The following COL22A1 variants were observed in gnomAD, a reference collection of about 807,000 sequenced individuals.
COL22A1 encodes collagen type XXII alpha 1 chain.
A neutral mutation model predicts 248.9 loss-of-function variants in COL22A1; 221 were observed. The observed-to-expected ratio is 0.89, with a 90% confidence interval of 0.80 to 0.99. COL22A1 has a LOEUF of 0.99. COL22A1 is among the 50% of genes least tolerant of loss of function. The pLI is 0.00. For missense variants in COL22A1, 2,240 were observed against 2,179.0 expected, an observed-to-expected ratio of 1.03 and a Z score of -0.56; for synonymous variants, 891 against 793.4, an observed-to-expected ratio of 1.12 and a Z score of -2.07.
chr8:138,910,648 A>G (rs1241230675), intron 1 of COL22A1, among the ~76,000 whole-genome samples: 3 of 152,166 alleles, frequency 2.0e-5, no homozygotes, highest in Non-Finnish European at 2.9e-5. Context: ...GCTGAAAAAA[A>G]AAATCCTCAG....
chr8:138,760,622 C>A (rs966465961), intron 17 of COL22A1, among the ~76,000 whole-genome samples: 9 of 152,102 alleles, frequency 5.9e-5, no homozygotes, highest in African/African-American at 2.2e-4. Context: ...CCTGCCCCGG[C>A]CCAGGGAGCA....
chr8:138,591,527 A>G, intron 63 of COL22A1, 26 bp from the exon 64 acceptor site: 1 of 1,508,462 alleles, frequency 6.6e-7, no homozygotes, highest in Non-Finnish European at 8.9e-7. Context: ...TGCACTTTTG[A>G]TGGTGGAGAC....
At position 138,883,088 on chromosome 8, in the gene COL22A1, G is replaced by GCT. The variant is rs1308052788; in HGVS notation, c.83_84dup (p.Arg29SerfsTer201). The GCT allele has an allele frequency of 6.3e-7, 1 of 1,581,656 alleles. No individual in the cohort carries two copies. On this transcript the variant is annotated frameshift_variant, in exon 2 of 65. Transcript: ENST00000303045. LOFTEE classifies it high-confidence loss of function. ...CAGCCCACGGTGGCCCCACCTGCCC[G>GCT]CTGAGCCTGGCAGCCGCCGCCCCCA...
intron 32 of COL22A1, among the ~76,000 whole-genome samples, chr8:138,699,293 CT>C (rs35080182): frequency 0.49 from 74,438 of 152,100 alleles, 18,701 homozygotes; most frequent in East Asian, 0.74. Flanking sequence ...CTGCTTCCTT[CT>C]TTTGCATCAC....
At chr8:138,703,604 G>A (rs1490549776) in intron 30 of COL22A1, among the ~76,000 whole-genome samples, 1 of 152,182 alleles carries the variant, frequency 6.6e-6, no homozygotes, top group Non-Finnish European at 1.5e-5. Flanking sequence ...CGTAGTGGTA[G>A]ATCATTTATA....
At chr8:138,879,669 TG>T in intron 2 of COL22A1, among the ~76,000 whole-genome samples, 1 of 116,210 alleles carries the variant, frequency 8.6e-6, no homozygotes, top group Non-Finnish European at 1.6e-5. Flanking sequence ...CCAGCCTGGG[TG>T]ACAGAGTGAG....
At chr8:138,626,892 A>G (rs1367746778) in intron 50 of COL22A1, among the ~76,000 whole-genome samples, 1 of 152,186 alleles carries the variant, frequency 6.6e-6, no homozygotes, top group Non-Finnish European at 1.5e-5. Flanking sequence ...AATCAGCATT[A>G]TATAATCAGT....
chr8:138,794,285 G>A lies in COL22A1; in HGVS notation c.1596+2534C>T, dbSNP rs1816310396. Among the ~76,000 whole-genome samples the A allele has an allele frequency of 2.0e-5, 3 of 152,058 alleles. No homozygotes were observed. The South Asian group carries it at 6.2e-4, about 32-fold the overall frequency. On this transcript the variant is annotated intron_variant, in intron 12 of 64. Coordinates refer to ENST00000303045, the MANE Select transcript of COL22A1 (RefSeq NM_152888.3). ...GCCTGTAGTCCCAGCTACTCAGGAG[G>A]CTGAGGCAGGAGAATCACTTGAACC...
intron 49 of COL22A1, among the ~76,000 whole-genome samples, chr8:138,633,542 A>G (rs1820901868): frequency 6.6e-6 from 1 of 152,216 alleles, no homozygotes. Flanking sequence ...ATTTTCTGAG[A>G]TCCTCAGCTG....
At chr8:138,616,528 G>A (rs1819334729) in intron 54 of COL22A1, among the ~76,000 whole-genome samples, 1 of 152,226 alleles carries the variant, frequency 6.6e-6, no homozygotes, top group Admixed American at 6.5e-5. Flanking sequence ...TAAAAGTGAT[G>A]CTTTCCATTT....
chr8:138,902,141 G>A (rs1013189621), intron 1 of COL22A1, among the ~76,000 whole-genome samples: 2 of 152,284 alleles, frequency 1.3e-5, no homozygotes, highest in East Asian at 1.9e-4. Context: ...GAGAGGTGAG[G>A]CGCTCCATGA....
At chr8:138,664,790 T>C (rs1200321823) in intron 41 of COL22A1, among the ~76,000 whole-genome samples, 1 of 151,946 alleles carries the variant, frequency 6.6e-6, no homozygotes, top group Non-Finnish European at 1.5e-5. Context: ...AAATGAAAAA[T>C]TTAAAGCACG....
intron 5 of COL22A1, among the ~76,000 whole-genome samples, chr8:138,830,504 G>A (rs1386084267): frequency 1.3e-5 from 2 of 152,100 alleles, no homozygotes; most frequent in African/African-American, 4.8e-5. Context: ...TTGCCAATTT[G>A]ATTTTGTTTT....
At chr8:138,602,651 C>T (rs914072775) in intron 59 of COL22A1, among the ~76,000 whole-genome samples, 10 of 152,162 alleles carry the variant, frequency 6.6e-5, no homozygotes, top group African/African-American at 2.4e-4. Flanking sequence ...TCAGGAAGCC[C>T]CCCGATCACC....
chr8:138,744,547 G>C (rs1831953985), intron 22 of COL22A1, among the ~76,000 whole-genome samples: 1 of 152,088 alleles, frequency 6.6e-6, no homozygotes, highest in African/African-American at 2.4e-5. Context: ...AGAATTCAGA[G>C]CCAGGCAGAT....
At chr8:138,867,516 A>G (rs980428074) in intron 3 of COL22A1, among the ~76,000 whole-genome samples, 8 of 152,206 alleles carry the variant, frequency 5.3e-5, no homozygotes, top group African/African-American at 1.7e-4. Context: ...CTATCATTTC[A>G]GATTACAGAC....
intron 7 of COL22A1, among the ~76,000 whole-genome samples, chr8:138,818,807 T>C (rs1239078682): frequency 6.6e-6 from 1 of 152,216 alleles, no homozygotes; most frequent in Non-Finnish European, 1.5e-5. Context: ...TATTTTACTA[T>C]TTTTTGCTTA....
At position 138,692,281 on chromosome 8, in the gene COL22A1, T is replaced by G. The variant is rs1275657577; in HGVS notation, c.2754+1365A>C. Among the ~76,000 whole-genome samples, 4 of 109,100 alleles carry G rather than the reference T, an allele frequency of 3.7e-5. 1 individual carries two copies. The highest frequency in any genetic ancestry group is 4.2e-5 in the Non-Finnish European group (2 of 47,950). The allele number at this position is 109,100 out of a possible 152,430, so 71.6% of individuals were successfully genotyped here. On this transcript the variant is annotated intron_variant, in intron 35 of 64. Coordinates refer to ENST00000303045, the MANE Select transcript of COL22A1 (RefSeq NM_152888.3). ...GCGTGTGTGCATGTTTGTGTGCACA[T>G]GCATGTGTGCATGTTTGCGGAGGTG...
chr8:138,635,139 G>A, intron 48 of COL22A1, 76 bp from the exon 49 acceptor site: 1 of 1,257,926 alleles, frequency 7.9e-7, no homozygotes, highest in East Asian at 2.5e-5. Context: ...TCAAATTTCA[G>A]AAAACAATAC....
Sources: allele counts gnomAD v4.1 joint callset (sites outside exome capture counted in the v4.1 genomes callset), GRCh38; gene constraint gnomAD v4.1.1; transcripts MANE v1.5; gene names NCBI Gene and HGNC (gene_info 2026-07-23, HGNC 2026-07-21).